GCNA: variants seen among roughly 807,000 people sequenced by gnomAD.
GCNA encodes the protein germ cell nuclear acidic peptidase, also known as germ cell nuclear acidic protein.
A neutral mutation model predicts 38.8 loss-of-function variants in GCNA; 3 were observed. The ratio of observed to expected loss-of-function variants is 0.08; its 90% confidence interval spans 0.04 to 0.20. GCNA has a LOEUF of 0.20. GCNA is among the 10% of genes least tolerant of loss of function. The probability of loss-of-function intolerance (pLI) is 1.00; values close to 1 mark genes in which losing one functional copy is unlikely to be tolerated. For synonymous variants in GCNA, 195 were observed against 240.2 expected, an observed-to-expected ratio of 0.81 and a Z score of 1.74; for missense variants, 446 against 578.6, an observed-to-expected ratio of 0.77 and a Z score of 2.35.
At chrX:71,578,838 C>A (rs1475978462) in intron 1 of GCNA, among the ~76,000 whole-genome samples, 1 of 97,519 alleles carries the variant, frequency 1.0e-5, no homozygotes, top group African/African-American at 3.9e-5. Flanking sequence ...GGAGAAGGGG[C>A]GCTGGTGGCG....
At chrX:71,590,357 T>C (rs763886834) in intron 2 of GCNA, among the ~76,000 whole-genome samples, 1 of 111,820 alleles carries the variant, frequency 8.9e-6, no homozygotes, top group Non-Finnish European at 1.9e-5. Flanking sequence ...AAAAAGTAGG[T>C]GTGTTTGTAA....
intron 7 of GCNA, 107 bp from the exon 8 acceptor site, chrX:71,603,481 A>C: frequency 6.5e-6 from 7 of 1,074,418 alleles, no homozygotes; most frequent in Non-Finnish European, 8.7e-6. Flanking sequence ...AAAATGTCAC[A>C]GTTCCTGTCT....
At chrX:71,592,081 G>C in intron 2 of GCNA, 41 bp from the exon 3 acceptor site, 2 of 1,049,509 alleles carry the variant, frequency 1.9e-6, no homozygotes, top group Non-Finnish European at 2.6e-6. Flanking sequence ...TTATGGCGTC[G>C]ATAGCCCTCC....
chrX:71,608,945 T>G (rs748600425), intron 9 of GCNA, 28 bp from the exon 10 acceptor site: 9 of 1,201,984 alleles, frequency 7.5e-6, no homozygotes, highest in Non-Finnish European at 7.9e-6. Context: ...TTTAGCTACA[T>G]AAACCTCAGT....
intron 9 of GCNA, 119 bp from the exon 10 acceptor site, chrX:71,608,854 C>A: frequency 2.3e-6 from 2 of 859,150 alleles, no homozygotes; most frequent in Admixed American, 7.5e-5. Context: ...ATGCCCTGAT[C>A]TAAGGAGCTG....
chrX:71,610,686 A>G lies in GCNA; in HGVS notation c.1617A>G (p.Pro539=). Residue 539 remains proline, a synonymous_variant, in exon 11 of 13, where the codon CCA becomes CCG. Transcript: ENST00000373696. The part of the protein sequence containing the change: ...FNRSVCDKKL[P]EKLRIGWNNK... The stretch of plus-strand genomic sequence containing the variant: ...CATTTGCGTTTCATTCTCAGCTGCC[A>G]GAGAAACTACGCATAGGCTGGAATA... The G allele has an allele frequency of 8.3e-7, 1 of 1,210,208 alleles. No homozygotes were observed. Among genetic ancestry groups the G allele is most frequent in the South Asian group, 1.8e-5 (1 of 56,334 alleles).
Position 71,603,901 on chromosome X carries a change from C to T in GCNA, c.624C>T (p.Asn208=), listed in dbSNP as rs1463156881. 8.3e-7 allele frequency: 1 copy of T among 1,206,313 alleles called. No individual in the cohort carries two copies. Among genetic ancestry groups the T allele is most frequent in the Non-Finnish European group, 1.1e-6 (1 of 894,275 alleles). ...DDNSDDSSDD[N]SDDSDVPDDK... ...ACAGTGATGATTCATCCGACGACAACAGTGATGATTCGGATGTTCCCGACG... is the reference window on the plus strand; with the variant it reads ...ACAGTGATGATTCATCCGACGACAATAGTGATGATTCGGATGTTCCCGACG... Residue 208 remains asparagine, a synonymous_variant, in exon 8 of 13, where the codon AAC becomes AAT. Coordinates refer to ENST00000373696, the MANE Select transcript of GCNA (RefSeq NM_052957.5).
chrX:71,595,623 C>A (rs1041301040), intron 6 of GCNA, among the ~76,000 whole-genome samples: 1 of 112,038 alleles, frequency 8.9e-6, no homozygotes, highest in Admixed American at 9.5e-5. Flanking sequence ...ATTAATGAAT[C>A]CTCTGTTCTA....
chrX:71,612,909 C>G lies in GCNA; in HGVS notation c.2003C>G (p.Ala668Gly). The part of the protein sequence containing the change: ...KSLDTSRFIC[A>G]KCKGSLVMVP... ...TTGGACACCAGCCGCTTCATCTGTGCCAAATGCAAGGGGTCTCTGGTCATG... is the reference window on the plus strand; with the variant it reads ...TTGGACACCAGCCGCTTCATCTGTGGCAAATGCAAGGGGTCTCTGGTCATG... The change falls in exon 13 of 13, where the codon GCC (alanine) becomes GGC (glycine). Residue 668 changes from alanine to glycine, a missense_variant. This residue lies in a region of GCNA where 34 missense variants were observed against 33.2 expected (regional missense o/e 1.02). Transcript: ENST00000373696. 1 of 1,211,582 alleles carries G rather than the reference C, an allele frequency of 8.3e-7. No individual in the cohort carries two copies. Among genetic ancestry groups the G allele is most frequent in the Non-Finnish European group, 1.1e-6 (1 of 895,479 alleles).
intron 6 of GCNA, among the ~76,000 whole-genome samples, chrX:71,595,432 TCTTA>T (rs2147719929): frequency 8.9e-6 from 1 of 112,145 alleles, no homozygotes; most frequent in African/African-American, 3.2e-5. Flanking sequence ...CACCTTGATC[TCTTA>T]CTTCTGATCC....
chrX:71,609,463 G>T (rs965610975), intron 10 of GCNA, among the ~76,000 whole-genome samples: 2 of 111,795 alleles, frequency 1.8e-5, no homozygotes, highest in African/African-American at 3.3e-5. Flanking sequence ...AGGAAGAGAG[G>T]ATTCTTGTGG....
chrX:71,611,955 G>A (rs1449104950), intron 11 of GCNA, among the ~76,000 whole-genome samples: 1 of 110,284 alleles, frequency 9.1e-6, no homozygotes, highest in Non-Finnish European at 1.9e-5. Context: ...GCTGAAAGTC[G>A]AGGGGTTGTT....
chrX:71,606,127 G>A (rs2040767936), intron 9 of GCNA, among the ~76,000 whole-genome samples: 1 of 112,618 alleles, frequency 8.9e-6, no homozygotes, highest in Non-Finnish European at 1.9e-5. Context: ...ACCAGTTTGT[G>A]CTAAACCAAG....
At chrX:71,599,672 T>C (rs960370672) in intron 7 of GCNA, among the ~76,000 whole-genome samples, 2 of 112,333 alleles carry the variant, frequency 1.8e-5, no homozygotes, top group Admixed American at 1.9e-4. Context: ...TTCTTTTTGT[T>C]ATAATGAATT....
intron 2 of GCNA, among the ~76,000 whole-genome samples, chrX:71,587,433 G>C (rs1304086227): frequency 9.0e-6 from 1 of 110,777 alleles, no homozygotes; most frequent in East Asian, 2.8e-4. Context: ...GATGCCCACT[G>C]ACTAGTCTTT....
intron 2 of GCNA, among the ~76,000 whole-genome samples, chrX:71,589,444 T>C (rs1226152990): frequency 1.6e-3 from 145 of 90,030 alleles, no homozygotes; most frequent in African/African-American, 5.8e-3. Flanking sequence ...GGCCTGCATA[T>C]ATTTCCTTTT....
At chrX:71,591,616 G>C (rs2040629134) in intron 2 of GCNA, among the ~76,000 whole-genome samples, 1 of 101,865 alleles carries the variant, frequency 9.8e-6, no homozygotes, top group Non-Finnish European at 2.0e-5. Context: ...CTTTTCTCAA[G>C]ACTCACTTTC....
At chrX:71,593,171 G>A (rs1210464404) in intron 4 of GCNA, among the ~76,000 whole-genome samples, 3 of 112,381 alleles carry the variant, frequency 2.7e-5, no homozygotes, top group South Asian at 7.5e-4. Context: ...TAGGATTACA[G>A]GCGTGAACCA....
At chrX:71,585,321 A>T (rs1171643519) in intron 2 of GCNA, among the ~76,000 whole-genome samples, 3 of 93,696 alleles carry the variant, frequency 3.2e-5, no homozygotes, top group African/African-American at 1.4e-4. Flanking sequence ...TCTCAAAAAA[A>T]GAAAAAAAAA....
Sources: allele counts gnomAD v4.1 joint callset (sites outside exome capture counted in the v4.1 genomes callset), GRCh38; gene constraint gnomAD v4.1.1; regional missense constraint gnomAD v4.1.1; transcripts MANE v1.5; gene names NCBI Gene and HGNC (gene_info 2026-07-23, HGNC 2026-07-21).